Variants in LPIN1 observed in about 807,000 individuals in gnomAD.
LPIN1 encodes the protein lipin 1.
In LPIN1, 71 loss-of-function variants were observed where a neutral mutation model predicts 107.5. That is an observed-to-expected ratio of 0.66 (90% CI 0.55 to 0.80). The LOEUF (loss-of-function observed/expected upper bound fraction) is 0.80, where lower values mean the gene tolerates loss of function less well. Ranked by LOEUF, LPIN1 falls within the 30% of genes least tolerant of loss-of-function variation. The pLI is 0.00. For missense variants in LPIN1, 1,043 were observed against 1,160.6 expected (o/e 0.90, Z 1.47); for synonymous variants, 445 against 452.6 (o/e 0.98, Z 0.21).
intron 2 of LPIN1, among the ~76,000 whole-genome samples, chr2:11,713,993 C>T (rs559712078): frequency 6.6e-6 from 1 of 152,324 alleles, no homozygotes; most frequent in South Asian, 2.1e-4. Flanking sequence ...TTGATTAGCT[C>T]CCCATGGAGC....
Position 11,824,915 on chromosome 2 carries a change from A to G in LPIN1, c.*124A>G. On this transcript the variant is annotated 3_prime_UTR_variant, in exon 21 of 21. Transcript: ENST00000674199. ...CGCGTCATCATTGGCCTGACAGCAGAGAGAATTGAGAAGCATTTCTCCCCT... is the reference window on the plus strand; with the variant it reads ...CGCGTCATCATTGGCCTGACAGCAGGGAGAATTGAGAAGCATTTCTCCCCT... The G allele has an allele frequency of 4.5e-6, 5 of 1,111,676 alleles. No individual in the cohort carries two copies. In the South Asian group the frequency reaches 6.7e-5, roughly 15 times the overall value. The allele number at this position is 1,111,676 out of a possible 1,614,324, so 68.9% of individuals were successfully genotyped here.
chr2:11,821,293 G>C (rs1681465866), intron 20 of LPIN1, among the ~76,000 whole-genome samples: 1 of 152,114 alleles, frequency 6.6e-6, no homozygotes. Context: ...GAGGTGGGTG[G>C]ATCACCTGAG....
At chr2:11,716,817 A>G (rs939136945) in intron 2 of LPIN1, among the ~76,000 whole-genome samples, 1 of 152,198 alleles carries the variant, frequency 6.6e-6, no homozygotes, top group East Asian at 1.9e-4. Context: ...ATCCCCAAAC[A>G]AGATTCAAGA....
At chr2:11,824,531 T>G (rs1031939334) in intron 20 of LPIN1, 101 bp from the exon 21 acceptor site, 2 of 1,148,078 alleles carry the variant, frequency 1.7e-6, no homozygotes, top group African/African-American at 3.0e-5. Context: ...AAGTAGGCGG[T>G]CTGCTCCTTG....
At position 11,805,367 on chromosome 2, in the gene LPIN1, CAA is replaced by C. The variant is rs1395649767; in HGVS notation, c.2249+212_2249+213del. 6.3e-6 allele frequency: 4 copies of C among 639,922 alleles called. No individual in the cohort carries two copies. In the African/African-American group the frequency reaches 7.2e-5, roughly 12 times the overall value. The allele number at this position is 639,922 out of a possible 1,614,324, so 39.6% of individuals were successfully genotyped here. ...CAAATTTGAATTCAATACCAAGAAACAAGGGGCGAAGTATAGGGGAATTGATT... is the reference window on the plus strand; with the variant it reads ...CAAATTTGAATTCAATACCAAGAAACGGGGCGAAGTATAGGGGAATTGATT... On this transcript the variant is annotated intron_variant, in intron 17 of 20. Transcript: ENST00000674199.
chr2:11,679,725 C>G (rs1476291241), intron 1 of LPIN1, among the ~76,000 whole-genome samples: 1 of 152,256 alleles, frequency 6.6e-6, no homozygotes, highest in African/African-American at 2.4e-5. Context: ...CAACCCCTGC[C>G]CCGGCAGTCT....
chr2:11,819,272 C>T (rs1048243746), intron 18 of LPIN1: 3 of 555,570 alleles, frequency 5.4e-6, no homozygotes, highest in Non-Finnish European at 6.4e-6. Flanking sequence ...TGAAATGGCT[C>T]ATCCTTGGTG....
rs539366133 is a variant in LPIN1 at position 11,759,617 on chromosome 2, T to C, written c.-9-5916T>C. On this transcript the variant is annotated intron_variant, in intron 1 of 20. Transcript: ENST00000674199. The stretch of plus-strand genomic sequence containing the variant: ...ACACAGCAACCATCTGATTTCTCTA[T>C]CTTTTCCCCACATTTCCCCCTTTTC... Among the ~76,000 whole-genome samples the C allele has an allele frequency of 2.0e-5, 3 of 152,368 alleles. No individual in the cohort carries two copies. In the South Asian group the frequency reaches 6.2e-4, roughly 32 times the overall value.
At chr2:11,809,450 C>A (rs1679279436) in intron 17 of LPIN1, among the ~76,000 whole-genome samples, 1 of 151,878 alleles carries the variant, frequency 6.6e-6, no homozygotes, top group Non-Finnish European at 1.5e-5. Context: ...GAGTTTTGCT[C>A]TTGTTGTCCA....
chr2:11,738,033 A>G (rs1438844916), intron 1 of LPIN1, among the ~76,000 whole-genome samples: 1 of 152,234 alleles, frequency 6.6e-6, no homozygotes, highest in Non-Finnish European at 1.5e-5. Context: ...TGGCACATAT[A>G]CACCATGGAA....
chr2:11,787,392 C>CTTTTTTTTTTTTTTTTTTTTTTT (rs1219054361), intron 11 of LPIN1, among the ~76,000 whole-genome samples: 4 of 113,688 alleles, frequency 3.5e-5, no homozygotes, highest in African/African-American at 1.5e-4. Context: ...CTTTTCTTTT[C>CTTTTTTTTTTTTTTTTTTTTTTT]TTTTTCTTTT....
intron 1 of LPIN1, among the ~76,000 whole-genome samples, chr2:11,686,507 A>T (rs1312848028): frequency 3.9e-5 from 6 of 152,124 alleles, no homozygotes; most frequent in Non-Finnish European, 8.8e-5. Flanking sequence ...GGTCTGGCAC[A>T]CCTGAGGCCT....
At chr2:11,710,643 A>G (rs1663359686) in intron 1 of LPIN1, among the ~76,000 whole-genome samples, 1 of 152,190 alleles carries the variant, frequency 6.6e-6, no homozygotes, top group South Asian at 2.1e-4. Context: ...TTCTCACATC[A>G]GTTCTATGAG....
intron 1 of LPIN1, among the ~76,000 whole-genome samples, chr2:11,730,590 T>A (rs1437745632): frequency 6.6e-6 from 1 of 152,224 alleles, no homozygotes; most frequent in Non-Finnish European, 1.5e-5. Flanking sequence ...AAGCTGGACA[T>A]CTTGTGTAGA....
intron 1 of LPIN1, among the ~76,000 whole-genome samples, chr2:11,706,174 G>A (rs1053061546): frequency 6.6e-6 from 1 of 152,076 alleles, no homozygotes; most frequent in African/African-American, 2.4e-5. Context: ...CCCAGTCTTG[G>A]GTATGTCTTT....
intron 1 of LPIN1, among the ~76,000 whole-genome samples, chr2:11,762,726 T>G (rs1241263012): frequency 6.6e-6 from 1 of 152,220 alleles, no homozygotes; most frequent in East Asian, 1.9e-4. Flanking sequence ...GGCTTGGATC[T>G]GGGGATGAAG....
intron 1 of LPIN1, among the ~76,000 whole-genome samples, chr2:11,695,508 A>C (rs1405548727): frequency 1.3e-5 from 2 of 152,092 alleles, no homozygotes; most frequent in Admixed American, 6.5e-5. Flanking sequence ...GAATGGAGGC[A>C]AGAGAAGGCA....
At chr2:11,734,520 A>G (rs748674978) in intron 1 of LPIN1, among the ~76,000 whole-genome samples, 4 of 152,196 alleles carry the variant, frequency 2.6e-5, no homozygotes, top group Non-Finnish European at 4.4e-5. Context: ...GGTAATCTGC[A>G]TTAGCTAATT....
intron 9 of LPIN1, chr2:11,784,626 G>A (rs1214232790): frequency 3.4e-5 from 19 of 556,992 alleles, no homozygotes; most frequent in Admixed American, 8.6e-5. Flanking sequence ...AGGGAACAGG[G>A]AGGACAGCTT....
Sources: allele counts gnomAD v4.1 joint callset (sites outside exome capture counted in the v4.1 genomes callset), GRCh38; gene constraint gnomAD v4.1.1; transcripts MANE v1.5; gene names NCBI Gene and HGNC (gene_info 2026-07-23, HGNC 2026-07-21).